ARHGAP22: variants seen among roughly 807,000 people sequenced by gnomAD.
ARHGAP22 encodes the protein rho GTPase-activating protein 22.
Under a neutral mutation model 59.1 loss-of-function variants are expected in ARHGAP22, and 48 were observed. The ratio of observed to expected loss-of-function variants is 0.81; its 90% CI spans 0.64 to 1.03. ARHGAP22 has a LOEUF of 1.03. ARHGAP22 is among the 50% of genes least tolerant of loss of function. The probability of loss-of-function intolerance (pLI) is 0.00; values close to 1 mark genes in which losing one functional copy is unlikely to be tolerated. For synonymous variants in ARHGAP22, 445 were observed against 416.4 expected (o/e 1.07, Z -0.84); for missense variants, 1,015 against 958.7 (o/e 1.06, Z -0.78).
chr10:48,592,216 C>T (rs1206587271), intron 1 of ARHGAP22, among the ~76,000 whole-genome samples: 1 of 152,178 alleles, frequency 6.6e-6, no homozygotes, highest in East Asian at 1.9e-4. Context: ...CAGAGTCTCA[C>T]CACTACATTG....
chr10:48,523,999 G>C, intron 3 of ARHGAP22: 1 of 1,423,950 alleles, frequency 7.0e-7, no homozygotes, highest in Non-Finnish European at 9.2e-7. Flanking sequence ...GGCGGGGCTG[G>C]CAGCCTCTGG....
intron 4 of ARHGAP22, chr10:48,479,354 C>T (rs751621754): frequency 3.1e-5 from 16 of 522,582 alleles, no homozygotes; most frequent in Admixed American, 7.5e-5. Flanking sequence ...TGAGGGAAGG[C>T]GGAGGTGTGG....
intron 3 of ARHGAP22, among the ~76,000 whole-genome samples, chr10:48,513,880 G>A (rs2053034447): frequency 6.6e-6 from 1 of 151,874 alleles, no homozygotes; most frequent in Non-Finnish European, 1.5e-5. Flanking sequence ...AGAACTAAAG[G>A]AAACTATGTC....
At chr10:48,554,745 A>G (rs1459770027) in intron 3 of ARHGAP22, among the ~76,000 whole-genome samples, 1 of 152,106 alleles carries the variant, frequency 6.6e-6, no homozygotes, top group Non-Finnish European at 1.5e-5. Context: ...CTGTGTCCAG[A>G]AGCCCCTGTG....
intron 3 of ARHGAP22, among the ~76,000 whole-genome samples, chr10:48,552,373 T>C (rs549322274): frequency 2.2e-4 from 34 of 152,358 alleles, no homozygotes; most frequent in African/African-American, 7.7e-4. Flanking sequence ...GCTGTTAGGC[T>C]CCTTCCTGCG....
intron 4 of ARHGAP22, among the ~76,000 whole-genome samples, chr10:48,474,369 C>T (rs188575392): frequency 1.8e-3 from 271 of 151,338 alleles, no homozygotes; most frequent in African/African-American, 5.6e-3. Flanking sequence ...CACAAGATCA[C>T]GCCATCTGCA....
intron 3 of ARHGAP22, among the ~76,000 whole-genome samples, chr10:48,521,172 T>C (rs2053774147): frequency 6.6e-6 from 1 of 152,172 alleles, no homozygotes; most frequent in Non-Finnish European, 1.5e-5. Flanking sequence ...GAACCCAGGA[T>C]TTCTCTATTT....
At chr10:48,572,279 A>G (rs2058444523) in intron 2 of ARHGAP22, among the ~76,000 whole-genome samples, 1 of 152,272 alleles carries the variant, frequency 6.6e-6, no homozygotes, top group African/African-American at 2.4e-5. Flanking sequence ...GCAGTTAAAC[A>G]GGCACTAGCC....
At chr10:48,514,902 G>A (rs534956779) in intron 3 of ARHGAP22, among the ~76,000 whole-genome samples, 49 of 152,150 alleles carry the variant, frequency 3.2e-4, no homozygotes, top group African/African-American at 1.1e-3. Context: ...GAGGCTAATT[G>A]TAATCCCCAG....
At chr10:48,649,675 T>C (rs563806801) in intron 1 of ARHGAP22, among the ~76,000 whole-genome samples, 21 of 152,254 alleles carry the variant, frequency 1.4e-4, no homozygotes, top group Admixed American at 5.9e-4. Context: ...CAGCTAGTCC[T>C]GCTGGCAGGA....
chr10:48,537,222 T>C (rs1411056935), intron 3 of ARHGAP22, among the ~76,000 whole-genome samples: 1 of 152,244 alleles, frequency 6.6e-6, no homozygotes, highest in African/African-American at 2.4e-5. Context: ...CTTGCAGCTC[T>C]GCTCTGGTGC....
At chr10:48,482,692 A>G (rs1441804902) in intron 3 of ARHGAP22, among the ~76,000 whole-genome samples, 1 of 152,158 alleles carries the variant, frequency 6.6e-6, no homozygotes, top group East Asian at 1.9e-4. Context: ...TATGGAGTAC[A>G]TGTGATGTTT....
chr10:48,620,937 T>C (rs2136030609), intron 1 of ARHGAP22, among the ~76,000 whole-genome samples: 1 of 152,378 alleles, frequency 6.6e-6, no homozygotes, highest in South Asian at 2.1e-4. Flanking sequence ...GAGTTCAGGC[T>C]GCCAGTTACA....
chr10:48,535,453 T>C (rs1564835306), intron 3 of ARHGAP22, among the ~76,000 whole-genome samples: 1 of 151,736 alleles, frequency 6.6e-6, no homozygotes. Flanking sequence ...GGGCAGGGAG[T>C]TTCTCAAGGG....
chr10:48,642,828 C>T (rs886907463), intron 1 of ARHGAP22, among the ~76,000 whole-genome samples: 2 of 151,722 alleles, frequency 1.3e-5, no homozygotes, highest in African/African-American at 4.8e-5. Flanking sequence ...AAAATTTTTA[C>T]AATCTACTCA....
chr10:48,434,896 T>A, the ARHGAP22 span: 1 of 1,613,396 alleles, frequency 6.2e-7, no homozygotes, highest in Non-Finnish European at 8.5e-7. Flanking sequence ...GCAGCAGTGA[T>A]CAATGGCTCT....
At chr10:48,449,563 G>A (rs1005697744) in intron 9 of ARHGAP22, among the ~76,000 whole-genome samples, 1 of 152,192 alleles carries the variant, frequency 6.6e-6, no homozygotes, top group Non-Finnish European at 1.5e-5. Flanking sequence ...TGAACAGGTC[G>A]GCCAGCTAAC....
At chr10:48,609,738 A>G (rs1022108772), upstream of ARHGAP22, among the ~76,000 whole-genome samples, 4 of 151,864 alleles carry the variant, frequency 2.6e-5, no homozygotes, top group African/African-American at 9.7e-5. Context: ...CACCTTTAAC[A>G]TTTCCCATTT....
intron 3 of ARHGAP22, among the ~76,000 whole-genome samples, chr10:48,544,060 T>C (rs1343653174): frequency 1.3e-5 from 2 of 151,690 alleles, no homozygotes; most frequent in Admixed American, 6.6e-5. Context: ...GAGGTGGAGG[T>C]TGCAGTGAGC....
Sources: allele counts gnomAD v4.1 joint callset (sites outside exome capture counted in the v4.1 genomes callset), GRCh38; gene constraint gnomAD v4.1.1; transcripts MANE v1.5; gene names NCBI Gene and HGNC (gene_info 2026-07-23, HGNC 2026-07-21).